The following FAT3 variants were observed in gnomAD, a reference collection of about 807,000 sequenced individuals.
FAT3 encodes protocadherin Fat 3.
Under a neutral mutation model 310.2 loss-of-function variants are expected in FAT3, and 95 were observed. The observed-to-expected ratio is 0.31, with a 90% CI of 0.26 to 0.36. The LOEUF is 0.36. FAT3 is among the 10% of genes least tolerant of loss of function. The pLI is 1.00. For synonymous variants in FAT3, 2,314 were observed against 2,192.9 expected, an observed-to-expected ratio of 1.06 and a Z score of -1.54; for missense variants, 5,408 against 5,715.6, an observed-to-expected ratio of 0.95 and a Z score of 1.74.
At chr11:92,826,083 G>A (rs1948097005) in intron 13 of FAT3, among the ~76,000 whole-genome samples, 1 of 152,126 alleles carries the variant, frequency 6.6e-6, no homozygotes, top group Non-Finnish European at 1.5e-5. Context: ...AATGCCTAGA[G>A]TAGTCAAGCA....
At position 92,890,785 on chromosome 11, in the gene FAT3, A is replaced by G. The variant is rs200705741; in HGVS notation, c.13442A>G (p.Asp4481Gly). 927 of 1,613,716 alleles carry G rather than the reference A, an allele frequency of 5.7e-4. No individual in the cohort carries two copies. The highest frequency in any genetic ancestry group is 7.2e-4 in the Non-Finnish European group (847 of 1,179,826). The change falls in exon 28 of 28, where the codon GAC (aspartate) becomes GGC (glycine). Residue 4481 changes from aspartate (D) to glycine (G), a missense_variant. Coordinates refer to ENST00000525166, the MANE Select transcript of FAT3 (RefSeq NM_001367949.2). The stretch of plus-strand genomic sequence containing the variant: ...TCCCTGGCCAGCACACTGAGCCCAG[A>G]CTGCAGGAGAAGGCCCCAGTTTCAT... ...PVSLASTLSPDCRRRPQFHPS... is the reference protein window; with the variant it reads ...PVSLASTLSPGCRRRPQFHPS...
chr11:92,515,257 A>C (rs1953439903), intron 2 of FAT3, among the ~76,000 whole-genome samples: 1 of 152,142 alleles, frequency 6.6e-6, no homozygotes, highest in African/African-American at 2.4e-5. Flanking sequence ...ATGGGTTATG[A>C]ATATGTCACA....
At chr11:92,693,740 T>A (rs1005111593) in intron 3 of FAT3, among the ~76,000 whole-genome samples, 13 of 152,186 alleles carry the variant, frequency 8.5e-5, no homozygotes, top group African/African-American at 3.1e-4. Context: ...CCTGGCTTGA[T>A]AAAAAGATTT....
At chr11:92,533,516 G>A (rs2135390455) in intron 3 of FAT3, among the ~76,000 whole-genome samples, 1 of 152,282 alleles carries the variant, frequency 6.6e-6, no homozygotes, top group East Asian at 1.9e-4. Flanking sequence ...CGAGTTAACA[G>A]GATTGTTACT....
At chr11:92,528,651 G>A (rs1458769321) in intron 3 of FAT3, among the ~76,000 whole-genome samples, 1 of 150,838 alleles carries the variant, frequency 6.6e-6, no homozygotes, top group Non-Finnish European at 1.5e-5. Flanking sequence ...CTCCCAAAGT[G>A]CTGGATTACA....
Position 92,883,072 on chromosome 11 carries a change from G to A in FAT3, c.12616G>A (p.Gly4206Ser). 3.7e-6 allele frequency: 6 copies of A among 1,613,902 alleles called. No homozygotes were observed. The highest frequency in any genetic ancestry group is 2.2e-5 in the East Asian group (1 of 44,868). The change falls in exon 24 of 28, where the codon GGC becomes AGC. Residue 4206 changes from glycine (G) to serine (S), a missense_variant. Transcript: ENST00000525166. The surrounding 1 kb of genome is among the most constrained non-coding windows in gnomAD (Gnocchi z 4.2). ...CGCCGCCCTGCTTAACAAGAGCAAT[G>A]GCATCCCGTTCCGGAACCTGCGCGG... ...ATAALLNKSNGIPFRNLRGSG... is the reference protein window; with the variant it reads ...ATAALLNKSNSIPFRNLRGSG...
intron 3 of FAT3, among the ~76,000 whole-genome samples, chr11:92,576,712 G>T (rs188050366): frequency 1.3e-5 from 2 of 152,224 alleles, no homozygotes. Context: ...TAGAAAGGAG[G>T]ATTCCACCTT....
chr11:92,526,412 A>G (rs1953864477), intron 3 of FAT3, among the ~76,000 whole-genome samples: 1 of 152,170 alleles, frequency 6.6e-6, no homozygotes, highest in South Asian at 2.1e-4. Flanking sequence ...TTCACAACCC[A>G]GTGGAGCCTG....
chr11:92,627,317 C>A (rs996971862), intron 3 of FAT3, among the ~76,000 whole-genome samples: 1 of 152,130 alleles, frequency 6.6e-6, no homozygotes, highest in Non-Finnish European at 1.5e-5. Flanking sequence ...TCTATCGCAT[C>A]AGGGAAGATA....
intron 3 of FAT3, among the ~76,000 whole-genome samples, chr11:92,643,003 G>A (rs182042254): frequency 1.3e-5 from 2 of 152,178 alleles, no homozygotes; most frequent in South Asian, 4.1e-4. Flanking sequence ...AATAAATGAA[G>A]CAGAATACAT....
intron 4 of FAT3, among the ~76,000 whole-genome samples, chr11:92,729,997 G>A (rs193004037): frequency 1.1e-3 from 167 of 152,092 alleles, no homozygotes; most frequent in Non-Finnish European, 2.0e-3. Context: ...TTACTTTCCT[G>A]TTTTCATAAT....
chr11:92,489,759 G>A (rs1952546432), intron 2 of FAT3, among the ~76,000 whole-genome samples: 1 of 152,086 alleles, frequency 6.6e-6, no homozygotes, highest in African/African-American at 2.4e-5. Context: ...CTCAGCTACT[G>A]TTTGTCGGGC....
intron 4 of FAT3, among the ~76,000 whole-genome samples, chr11:92,747,487 G>C (rs1432702381): frequency 6.6e-6 from 1 of 152,186 alleles, no homozygotes; most frequent in African/African-American, 2.4e-5. Context: ...GATGGAAGGG[G>C]CTGCCTTGAA....
intron 27 of FAT3, 126 bp from the exon 28 acceptor site, chr11:92,890,365 G>A (rs1364104971): frequency 1.7e-6 from 2 of 1,171,656 alleles, no homozygotes; most frequent in African/African-American, 3.1e-5. Context: ...ATAGACCCTT[G>A]TAATAAGCTT....
intron 2 of FAT3, chr11:92,406,693 G>T (rs1287312340): frequency 6.6e-6 from 1 of 152,198 alleles, no homozygotes; most frequent in Non-Finnish European, 1.5e-5. Flanking sequence ...CCAGTGAGGT[G>T]CTCTGTGTGC....
chr11:92,872,457 A>C (rs1949413142), intron 22 of FAT3, among the ~76,000 whole-genome samples: 1 of 152,324 alleles, frequency 6.6e-6, no homozygotes, highest in South Asian at 2.1e-4. Flanking sequence ...CTGTGGACAT[A>C]ATTTGGCTGA....
chr11:92,747,825 C>A (rs1240238737), intron 4 of FAT3, among the ~76,000 whole-genome samples: 1 of 152,168 alleles, frequency 6.6e-6, no homozygotes. Context: ...TCCAAAAAGT[C>A]CCTCATCTCC....
intron 3 of FAT3, among the ~76,000 whole-genome samples, chr11:92,639,530 T>C (rs958705466): frequency 1.3e-5 from 2 of 152,126 alleles, no homozygotes; most frequent in Non-Finnish European, 2.9e-5. Flanking sequence ...CCCATCTCTC[T>C]CTGAGGTCCC....
At chr11:92,478,912 G>A (rs910121025) in intron 2 of FAT3, among the ~76,000 whole-genome samples, 2 of 130,914 alleles carry the variant, frequency 1.5e-5, no homozygotes, top group Non-Finnish European at 3.3e-5. Context: ...TACTGCGCCT[G>A]GCTGGCTTTC....
Sources: gnomAD v4.1 joint callset for allele counts (sites outside exome capture counted in the v4.1 genomes callset) on GRCh38, gnomAD v4.1.1 for gene constraint, Gnocchi (gnomAD v3.1) non-coding constraint, MANE v1.5 for transcripts, NCBI Gene and HGNC (gene_info 2026-07-23, HGNC 2026-07-21) for gene names.